CDH18: variants seen among roughly 807,000 people sequenced by gnomAD.
The protein encoded by CDH18 is cadherin-18.
In CDH18, 31 loss-of-function variants were observed where a neutral mutation model predicts 67.9. The observed-to-expected ratio is 0.46, with a 90% confidence interval of 0.34 to 0.62. The LOEUF (loss-of-function observed/expected upper bound fraction) is 0.62. Among genes scored for constraint, CDH18 ranks in the 20% least tolerant of loss-of-function variants. The pLI, the probability that CDH18 is intolerant of heterozygous loss-of-function variation, is 0.01. For missense variants in CDH18, 890 were observed against 975.5 expected (o/e 0.91, Z 1.17); for synonymous variants, 362 against 347.2 (o/e 1.04, Z -0.48).
At chr5:20,529,055 A>C (rs1356846066) in intron 1 of CDH18, among the ~76,000 whole-genome samples, 1 of 152,036 alleles carries the variant, frequency 6.6e-6, no homozygotes, top group Non-Finnish European at 1.5e-5. Context: ...AGAAATGATA[A>C]GGGGGATAAC....
intron 5 of CDH18, among the ~76,000 whole-genome samples, chr5:19,650,964 T>C (rs934684974): frequency 2.6e-5 from 4 of 152,036 alleles, no homozygotes; most frequent in Non-Finnish European, 5.9e-5. Context: ...CTTATGATAA[T>C]TATTACTATC....
chr5:20,448,582 G>T (rs961298479), intron 1 of CDH18, among the ~76,000 whole-genome samples: 8 of 151,984 alleles, frequency 5.3e-5, no homozygotes, highest in African/African-American at 1.9e-4. Context: ...TATTGCTGTT[G>T]GGATCCTGCT....
chr5:19,866,552 C>T (rs1270041832), intron 2 of CDH18, among the ~76,000 whole-genome samples: 2 of 152,052 alleles, frequency 1.3e-5, no homozygotes, highest in Admixed American at 6.6e-5. Context: ...CTATCTGGTA[C>T]GAAGTAAGTA....
At chr5:20,250,058 T>A (rs1405215726) in intron 2 of CDH18, among the ~76,000 whole-genome samples, 1 of 152,164 alleles carries the variant, frequency 6.6e-6, no homozygotes, top group Non-Finnish European at 1.5e-5. Flanking sequence ...CTCTTGATAT[T>A]TAAGCTCTCA....
intron 1 of CDH18, among the ~76,000 whole-genome samples, chr5:20,547,334 G>A (rs528756537): frequency 6.6e-6 from 1 of 152,030 alleles, no homozygotes; most frequent in South Asian, 2.1e-4. Context: ...AGGCCGAGTT[G>A]GGCGGATCAT....
intron 5 of CDH18, among the ~76,000 whole-genome samples, chr5:19,717,095 T>G (rs989199368): frequency 6.6e-6 from 1 of 152,074 alleles, no homozygotes; most frequent in African/African-American, 2.4e-5. Context: ...TTGACTACTA[T>G]AAACAATTGT....
At chr5:19,574,819 G>C (rs1307047868) in intron 7 of CDH18, among the ~76,000 whole-genome samples, 1 of 151,916 alleles carries the variant, frequency 6.6e-6, no homozygotes, top group Non-Finnish European at 1.5e-5. Flanking sequence ...GAGGTGGGCG[G>C]ATCACGAGGT....
At chr5:20,411,348 A>T (rs151205562) in intron 1 of CDH18, among the ~76,000 whole-genome samples, 142 of 152,198 alleles carry the variant, frequency 9.3e-4, no homozygotes, top group African/African-American at 3.2e-3. Context: ...CACAATAGGG[A>T]AAAGAGTATC....
chr5:19,608,955 T>A (rs931887983), intron 6 of CDH18, among the ~76,000 whole-genome samples: 2 of 151,996 alleles, frequency 1.3e-5, no homozygotes, highest in Admixed American at 1.3e-4. Context: ...ATTTAGGATA[T>A]AGAAGGTTTG....
chr5:19,692,062 C>T (rs143704154), intron 5 of CDH18, among the ~76,000 whole-genome samples: 1 of 151,786 alleles, frequency 6.6e-6, no homozygotes, highest in Admixed American at 6.6e-5. Context: ...AATAGAGAAC[C>T]CAGAAATAAA....
rs555547771 is a variant in CDH18, at chr5:20,077,784, A to T, written c.-517-85770T>A. On this transcript the variant is annotated intron_variant, in intron 2 of 14. Coordinates refer to the CDH18 transcript ENST00000507958. Reference sequence around the variant, plus strand: ...ACTGTTACATCTTACCACACTTACCATGATTTTAGTTACTTGTTTTAATAA... The same window carrying T: ...ACTGTTACATCTTACCACACTTACCTTGATTTTAGTTACTTGTTTTAATAA... Among the ~76,000 whole-genome samples, 358 of 152,280 alleles carry T rather than the reference A, an allele frequency of 2.4e-3. 3 individuals carry two copies. Among genetic ancestry groups the T allele is most frequent in the South Asian group, 0.018 (87 of 4,832 alleles).
chr5:20,087,261 G>C (rs940615837), intron 2 of CDH18, among the ~76,000 whole-genome samples: 2 of 152,040 alleles, frequency 1.3e-5, no homozygotes, highest in African/African-American at 4.8e-5. Context: ...GCATAACATG[G>C]AAAAACAAAG....
chr5:20,312,688 T>C (rs1014945316), intron 1 of CDH18, among the ~76,000 whole-genome samples: 5 of 152,168 alleles, frequency 3.3e-5, no homozygotes, highest in African/African-American at 1.2e-4. Flanking sequence ...AATCTTTTAA[T>C]AATTTGATCA....
intron 2 of CDH18, among the ~76,000 whole-genome samples, chr5:20,215,366 A>G (rs971913043): frequency 5.9e-5 from 9 of 151,960 alleles, no homozygotes; most frequent in Non-Finnish European, 1.2e-4. Flanking sequence ...ACAAATGGGT[A>G]CAAAGAAATA....
intron 2 of CDH18, among the ~76,000 whole-genome samples, chr5:19,855,410 CTT>C (rs57499485): frequency 0.028 from 4,283 of 152,100 alleles, 194 homozygotes; most frequent in African/African-American, 0.096. Context: ...TTTATAGTAT[CTT>C]TGATTTGGGG....
At chr5:19,894,596 A>C (rs1561519425) in intron 2 of CDH18, among the ~76,000 whole-genome samples, 1 of 152,104 alleles carries the variant, frequency 6.6e-6, no homozygotes, top group Non-Finnish European at 1.5e-5. Flanking sequence ...ATTTTTGTGA[A>C]GATATTTTCT....
chr5:20,496,674 G>T (rs182796145), intron 1 of CDH18, among the ~76,000 whole-genome samples: 16 of 152,088 alleles, frequency 1.1e-4, no homozygotes, highest in Middle Eastern at 3.4e-3. Flanking sequence ...TGCTCTTCAC[G>T]CTTTTACTTG....
chr5:19,628,774 G>T (rs1193456744), intron 5 of CDH18, among the ~76,000 whole-genome samples: 1 of 151,982 alleles, frequency 6.6e-6, no homozygotes, highest in Non-Finnish European at 1.5e-5. Flanking sequence ...ATATAAATAT[G>T]ACCAGCATAA....
chr5:19,549,718 A>G (rs1341768141), intron 8 of CDH18, among the ~76,000 whole-genome samples: 3 of 150,988 alleles, frequency 2.0e-5, no homozygotes, highest in South Asian at 4.2e-4. Context: ...AGAAAGGAAG[A>G]AAGGAAGGAA....
Sources: gnomAD v4.1 joint callset for allele counts (sites outside exome capture counted in the v4.1 genomes callset) on GRCh38, gnomAD v4.1.1 for gene constraint, MANE v1.5 for transcripts, NCBI Gene and HGNC (gene_info 2026-07-23, HGNC 2026-07-21) for gene names.